The following DNAH14 variants were observed in gnomAD, a reference collection of about 807,000 sequenced individuals.
DNAH14 encodes dynein axonemal heavy chain 14, also known as axonemal beta dynein heavy chain 14.
In DNAH14, 478 loss-of-function variants were observed where a neutral mutation model predicts 520.9. That is an observed-to-expected ratio of 0.92 (90% confidence interval 0.85 to 0.99). The LOEUF (loss-of-function observed/expected upper bound fraction) is 0.99, where lower values mean the gene tolerates loss of function less well. DNAH14 is among the 50% of genes least tolerant of loss of function. DNAH14 has a pLI of 0.00. For synonymous variants in DNAH14, 1,581 were observed against 1,757.2 expected (o/e 0.90, Z 2.51); for missense variants, 4,831 against 5,234.5 (o/e 0.92, Z 2.38).
At chr1:225,198,963 G>C (rs1026902421) in intron 38 of DNAH14, among the ~76,000 whole-genome samples, 1 of 152,094 alleles carries the variant, frequency 6.6e-6, no homozygotes, top group East Asian at 1.9e-4. Context: ...CCACGAATCT[G>C]TCTAGTCCTG....
At chr1:225,346,731 C>A in intron 71 of DNAH14, 77 bp downstream of exon 71, 1 of 1,117,234 alleles carries the variant, frequency 9.0e-7, no homozygotes, top group South Asian at 1.7e-5. Context: ...TGCTCCAAGT[C>A]AATGCCTCTA....
intron 84 of DNAH14, 63 bp from the exon 85 acceptor site, chr1:225,398,457 G>A (rs1349220837): frequency 2.7e-5 from 41 of 1,531,572 alleles, no homozygotes; most frequent in South Asian, 2.0e-4. Context: ...AATTCCGGAC[G>A]GAGCCTCCAG....
At chr1:225,117,059 G>A (rs1023396863) in intron 23 of DNAH14, among the ~76,000 whole-genome samples, 1 of 152,062 alleles carries the variant, frequency 6.6e-6, no homozygotes, top group Non-Finnish European at 1.5e-5. Context: ...GCAAGGGAGA[G>A]ATTGAAGTTA....
intron 1 of DNAH14, among the ~76,000 whole-genome samples, chr1:224,951,803 A>C (rs2060196072): frequency 6.6e-6 from 1 of 151,436 alleles, no homozygotes; most frequent in Non-Finnish European, 1.5e-5. Context: ...GGCGCCCACC[A>C]CCAATGCCCG....
At chr1:225,373,460 T>G (rs2095644604) in intron 77 of DNAH14, among the ~76,000 whole-genome samples, 1 of 133,438 alleles carries the variant, frequency 7.5e-6, no homozygotes, top group African/African-American at 2.9e-5. Flanking sequence ...CAAGACTCCG[T>G]CAAGAAAGGA....
chr1:225,153,701 A>AT, intron 33 of DNAH14, 49 bp from the exon 34 acceptor site: 1 of 1,363,908 alleles, frequency 7.3e-7, no homozygotes, highest in Non-Finnish European at 1.0e-6. Context: ...TTGTTTTCAT[A>AT]TTTTTTCTTT....
intron 60 of DNAH14, among the ~76,000 whole-genome samples, chr1:225,312,303 T>C (rs913990207): frequency 1.3e-5 from 2 of 152,202 alleles, no homozygotes; most frequent in African/African-American, 4.8e-5. Flanking sequence ...TTTTGTATCC[T>C]GAGACTGCTG....
At chr1:225,300,764 G>C in intron 55 of DNAH14, 105 bp from the exon 56 acceptor site, 1 of 1,202,088 alleles carries the variant, frequency 8.3e-7, no homozygotes, top group Non-Finnish European at 1.1e-6. Context: ...CTTAGCCTCA[G>C]TTCTCCTTAA....
chr1:225,052,407 G>A (rs1331141815), intron 17 of DNAH14, among the ~76,000 whole-genome samples: 1 of 152,128 alleles, frequency 6.6e-6, no homozygotes, highest in East Asian at 1.9e-4. Flanking sequence ...GATCCTAATA[G>A]ACCAGCCATT....
intron 41 of DNAH14, among the ~76,000 whole-genome samples, chr1:225,228,196 A>G (rs77637871): frequency 0.056 from 8,533 of 152,286 alleles, 470 homozygotes; most frequent in East Asian, 0.23. Flanking sequence ...TGTGGCCTGT[A>G]TTACTGAATC....
At chr1:225,302,027 G>T (rs1270926669) in intron 56 of DNAH14, among the ~76,000 whole-genome samples, 1 of 149,980 alleles carries the variant, frequency 6.7e-6, no homozygotes, top group Admixed American at 6.7e-5. Flanking sequence ...GGAGTGCAGA[G>T]AATAGTACTC....
intron 8 of DNAH14, among the ~76,000 whole-genome samples, chr1:224,987,995 C>A (rs974487980): frequency 6.6e-6 from 1 of 152,056 alleles, no homozygotes; most frequent in Non-Finnish European, 1.5e-5. Context: ...ACCTATCAAC[C>A]CACCACCTAG....
intron 7 of DNAH14, among the ~76,000 whole-genome samples, 177 bp from the exon 8 acceptor site, chr1:224,973,914 A>G (rs1028168230): frequency 6.6e-6 from 1 of 152,158 alleles, no homozygotes. Context: ...CTTTTGCTCT[A>G]TATTCTGTTG....
At chr1:225,269,301 T>A (rs2093233558) in intron 49 of DNAH14, among the ~76,000 whole-genome samples, 1 of 152,004 alleles carries the variant, frequency 6.6e-6, no homozygotes, top group Non-Finnish European at 1.5e-5. Context: ...ACTGGATCCC[T>A]TCCTTACACC....
rs1170187934 is a variant in DNAH14 at position 225,266,676 on chromosome 1, A to T, written c.7446A>T (p.Val2482=). 1.3e-6 allele frequency: 2 copies of T among 1,511,978 alleles called. No individual in the cohort carries two copies. The highest frequency in any genetic ancestry group is 1.8e-6 in the Non-Finnish European group (2 of 1,135,580). 93.7% of individuals were successfully genotyped at this position (1,511,978 alleles called of 1,614,324 possible). ...TTATTGATGATATGAATATGCCAGT[A>T]TCAGATATGTATGGAGCACAGCCAC... ...LIFIDDMNMP[V]SDMYGAQPPL... The change falls in exon 49 of 86, where the codon GTA becomes GTT. Residue 2482 remains valine (V), a synonymous_variant. Coordinates refer to ENST00000682510, the MANE Select transcript of DNAH14 (RefSeq NM_001367479.1).
At chr1:225,146,508 CCT>C in intron 30 of DNAH14, among the ~76,000 whole-genome samples, 1 of 152,354 alleles carries the variant, frequency 6.6e-6, no homozygotes, top group Middle Eastern at 3.4e-3. Context: ...AGACTTGCAG[CCT>C]CTCACAGAAC....
At chr1:224,979,291 G>A (rs2062089094) in intron 8 of DNAH14, among the ~76,000 whole-genome samples, 1 of 152,332 alleles carries the variant, frequency 6.6e-6, no homozygotes, top group African/African-American at 2.4e-5. Context: ...GGCAGTGGCT[G>A]TGTGGTGTGG....
At chr1:224,972,555 T>C (rs539102751) in intron 7 of DNAH14, among the ~76,000 whole-genome samples, 2 of 151,896 alleles carry the variant, frequency 1.3e-5, no homozygotes, top group African/African-American at 4.8e-5. Context: ...AAGCTCCGCC[T>C]CCCGGGTTCA....
chr1:225,272,170 A>G, intron 51 of DNAH14, 97 bp downstream of exon 51: 4 of 1,237,084 alleles, frequency 3.2e-6, no homozygotes, highest in South Asian at 3.0e-5. Flanking sequence ...AAAAAAGGGA[A>G]ATGAATGTTG....
Sources: gnomAD v4.1 joint callset for allele counts (sites outside exome capture counted in the v4.1 genomes callset) on GRCh38, gnomAD v4.1.1 for gene constraint, MANE v1.5 for transcripts, NCBI Gene and HGNC (gene_info 2026-07-23, HGNC 2026-07-21) for gene names.